The following SHPRH variants were observed in gnomAD, a reference collection of about 807,000 sequenced individuals.
SHPRH encodes the protein SNF2 histone linker PHD RING helicase, also known as E3 ubiquitin-protein ligase SHPRH.
SHPRH carries 106 observed loss-of-function variants against 202.5 expected under a neutral mutation model. That is an observed-to-expected ratio of 0.52 (90% CI 0.45 to 0.62). The LOEUF (loss-of-function observed/expected upper bound fraction) is 0.62. Among genes scored for constraint, SHPRH ranks in the 20% least tolerant of loss-of-function variants. SHPRH has a pLI of 0.00. For missense variants in SHPRH, 1,710 were observed against 2,020.0 expected (o/e 0.85, Z 2.94); for synonymous variants, 729 against 686.0 (o/e 1.06, Z -0.98).
chr6:145,950,232 A>T, intron 4 of SHPRH, 32 bp downstream of exon 4: 2 of 1,591,258 alleles, frequency 1.3e-6, no homozygotes, highest in South Asian at 1.1e-5. Context: ...CTCTCTAATC[A>T]ATTGGACTTT....
intron 22 of SHPRH, 74 bp from the exon 23 acceptor site, chr6:145,918,306 C>A: frequency 1.1e-6 from 1 of 927,326 alleles, no homozygotes. Flanking sequence ...ATGGACAATT[C>A]TCCAGTAATA....
In SHPRH at chr6:145,943,417, G is replaced by C; in HGVS notation, c.1964C>G (p.Ser655Cys). ...ACATATACACTCAAAGCGGTAATCA[G>C]AGGTGTTAAAGGGACTCATGGTATT... ...PSNTMSPFNT[S>C]DYRFECICGE... The change falls in exon 9 of 30, where the codon TCT becomes TGT. Residue 655 changes from serine to cysteine, a missense_variant. Coordinates refer to ENST00000275233, the MANE Select transcript of SHPRH (RefSeq NM_001042683.3). 6.2e-7 allele frequency: 1 copy of C among 1,614,084 alleles called. No individual in the cohort carries two copies. Among genetic ancestry groups the C allele is most frequent in the Non-Finnish European group, 8.5e-7 (1 of 1,179,958 alleles).
chr6:145,884,299 C>T (rs889925355), downstream of SHPRH: 9 of 152,094 alleles, frequency 5.9e-5, no homozygotes, highest in African/African-American at 1.2e-4. Flanking sequence ...AGAAATGTGA[C>T]GCTGCAATAA....
chr6:145,961,770 T>G (rs1789115857), intron 1 of SHPRH, among the ~76,000 whole-genome samples: 1 of 152,222 alleles, frequency 6.6e-6, no homozygotes, highest in Non-Finnish European at 1.5e-5. Context: ...CTTTGTCCAG[T>G]TCTTAACTGA....
chr6:145,859,592 AT>A (rs1029797697), downstream of SHPRH, among the ~76,000 whole-genome samples: 4 of 152,104 alleles, frequency 2.6e-5, no homozygotes, highest in Non-Finnish European at 5.9e-5. Flanking sequence ...AAACAAAGAA[AT>A]AAAACAGCAA....
chr6:145,935,531 T>A, intron 11 of SHPRH, 90 bp from the exon 12 acceptor site: 1 of 1,250,978 alleles, frequency 8.0e-7, no homozygotes, highest in Non-Finnish European at 1.1e-6. Flanking sequence ...ACACAGCACA[T>A]AGAACTTTCC....
chr6:145,961,519 C>T (rs1290570705), intron 1 of SHPRH, among the ~76,000 whole-genome samples: 2 of 152,178 alleles, frequency 1.3e-5, no homozygotes, highest in Admixed American at 1.3e-4. Flanking sequence ...TGCCATGTTT[C>T]CCACAATAAT....
At chr6:145,875,470 G>C (rs1468372068) in intron 2 of SHPRH, among the ~76,000 whole-genome samples, 2 of 152,202 alleles carry the variant, frequency 1.3e-5, no homozygotes, top group Non-Finnish European at 2.9e-5. Context: ...GAACCTTACA[G>C]TTCAGTTGTT....
At chr6:145,877,740 C>A (rs1256200709) in intron 2 of SHPRH, 1 of 152,266 alleles carries the variant, frequency 6.6e-6, no homozygotes, top group East Asian at 1.9e-4. Flanking sequence ...CTGAGAGATT[C>A]TTCTGAACAA....
At chr6:145,893,151 A>C in intron 28 of SHPRH, 64 bp downstream of exon 28, 1 of 1,411,726 alleles carries the variant, frequency 7.1e-7, no homozygotes, top group Non-Finnish European at 9.3e-7. Flanking sequence ...TGAAGAGTTT[A>C]AATACTGATT....
chr6:145,954,271 G>C (rs993941863), intron 2 of SHPRH, among the ~76,000 whole-genome samples: 4 of 152,054 alleles, frequency 2.6e-5, no homozygotes, highest in African/African-American at 9.7e-5. Flanking sequence ...TAAGGCTCAA[G>C]GGCTTGTCAA....
chr6:145,924,545 T>C (rs1020140800), intron 17 of SHPRH, among the ~76,000 whole-genome samples, 194 bp downstream of exon 17: 3 of 151,946 alleles, frequency 2.0e-5, no homozygotes, highest in Non-Finnish European at 4.4e-5. Flanking sequence ...AGTTGACTTA[T>C]TTATGCATCT....
intron 2 of SHPRH, among the ~76,000 whole-genome samples, chr6:145,874,209 A>AAATAATAAAAATAAT (rs1554221166): frequency 6.8e-6 from 1 of 147,862 alleles, no homozygotes; most frequent in African/African-American, 2.5e-5. Context: ...AAAAATAATA[A>AAATAATAAAAATAAT]AATAATAATA....
intron 1 of SHPRH, among the ~76,000 whole-genome samples, chr6:145,960,847 C>T (rs575996819): frequency 1.3e-5 from 2 of 152,240 alleles, no homozygotes; most frequent in East Asian, 1.9e-4. Flanking sequence ...TCATGGAAGA[C>T]AAGTTTTCCA....
At chr6:145,950,141 T>C (rs568061804) in intron 4 of SHPRH, 123 bp downstream of exon 4, 429 of 664,210 alleles carry the variant, frequency 6.5e-4, no homozygotes, top group Middle Eastern at 1.1e-3. Flanking sequence ...AATAATTTTA[T>C]GGCACCCATT....
chr6:145,879,910 C>CAAAAAAAAAAAAAAAAAAAAA (rs67055862), downstream of SHPRH, among the ~76,000 whole-genome samples: 1 of 61,100 alleles, frequency 1.6e-5, no homozygotes, highest in Non-Finnish European at 2.9e-5. Context: ...AACTCAATCT[C>CAAAAAAAAAAAAAAAAAAAAA]AAAAAAAAAA....
rs772273606 is a variant in SHPRH at position 145,922,831 on chromosome 6, C to T, written c.3551G>A (p.Arg1184His). The change falls in exon 19 of 30, where the codon CGT becomes CAT. Residue 1184 changes from arginine (R) to histidine (H), a missense_variant. Around this residue, in one of 8 missense-constraint regions of SHPRH, gnomAD observed 288 missense variants for 317.8 expected, o/e 0.91. Coordinates refer to ENST00000275233, the MANE Select transcript of SHPRH (RefSeq NM_001042683.3). ...TGKLSMSEKFRDCRGLQFLLT... is the reference protein window; with the variant it reads ...TGKLSMSEKFHDCRGLQFLLT... ...TAAGAACTGAAGACCTCTGCAATCACGGAACCTGATTCCCACACCAGCACC... is the reference window on the plus strand; with the variant it reads ...TAAGAACTGAAGACCTCTGCAATCATGGAACCTGATTCCCACACCAGCACC... The T allele has an allele frequency of 7.5e-6, 12 of 1,607,308 alleles. No homozygotes were observed. The highest frequency in any genetic ancestry group is 3.3e-5 in the South Asian group (3 of 90,380).
At chr6:145,884,706 T>C (rs1780842039), downstream of SHPRH, 1 of 152,110 alleles carries the variant, frequency 6.6e-6, no homozygotes, top group Admixed American at 6.6e-5. Context: ...GTATATAAAA[T>C]ATGGGATTCT....
chr6:145,862,075 G>A (rs142220616), downstream of SHPRH, among the ~76,000 whole-genome samples: 36 of 152,186 alleles, frequency 2.4e-4, no homozygotes, highest in East Asian at 7.0e-3. Flanking sequence ...AGATTTTGGA[G>A]ATCTACTGTA....
Sources: gnomAD v4.1 joint callset for allele counts (sites outside exome capture counted in the v4.1 genomes callset) on GRCh38, gnomAD v4.1.1 for gene constraint, gnomAD v4.1.1 regional missense constraint, MANE v1.5 for transcripts, NCBI Gene and HGNC (gene_info 2026-07-23, HGNC 2026-07-21) for gene names.